CNKSR3: variants seen among roughly 807,000 people sequenced by gnomAD.
The protein encoded by CNKSR3 is CNKSR family member 3.
In CNKSR3, 36 loss-of-function variants were observed where a neutral mutation model predicts 67.7. The observed-to-expected ratio is 0.53, with a 90% CI of 0.41 to 0.70. CNKSR3 has a LOEUF of 0.70. Ranked by LOEUF, CNKSR3 falls within the 30% of genes least tolerant of loss-of-function variation. CNKSR3 has a pLI of 0.00. For synonymous variants in CNKSR3, 281 were observed against 271.4 expected, an observed-to-expected ratio of 1.04 and a Z score of -0.35; for missense variants, 630 against 695.2, an observed-to-expected ratio of 0.91 and a Z score of 1.05.
At chr6:154,477,020 C>T (rs991592702) in intron 1 of CNKSR3, among the ~76,000 whole-genome samples, 1 of 152,178 alleles carries the variant, frequency 6.6e-6, no homozygotes, top group Non-Finnish European at 1.5e-5. Flanking sequence ...TGCAGAATGT[C>T]TACTTTCTTA....
rs938686799 is a variant in CNKSR3 at position 154,405,766 on chromosome 6, C to T, written c.*588G>A. The T allele has an allele frequency of 1.3e-5, 2 of 154,496 alleles. No homozygotes were observed. The highest frequency in any genetic ancestry group is 2.9e-5 in the Non-Finnish European group (2 of 69,664). The allele number at this position is 154,496 out of a possible 1,614,324, so 9.6% of individuals were successfully genotyped here. On this transcript the variant is annotated 3_prime_UTR_variant, in exon 13 of 13. Transcript: ENST00000607772. ...CTGTACCAACTGATCTATACTGAGA[C>T]TGTCATGAAAAAGGTATCAAACAAG... is the stretch of plus-strand genomic sequence containing the variant.
chr6:154,440,762 C>T (rs933691563), intron 4 of CNKSR3, among the ~76,000 whole-genome samples: 2 of 152,030 alleles, frequency 1.3e-5, no homozygotes, highest in African/African-American at 2.4e-5. Flanking sequence ...AATGAGGAGT[C>T]GGAGGTGATT....
chr6:154,467,991 C>T (rs1786239647), intron 1 of CNKSR3, among the ~76,000 whole-genome samples: 1 of 150,832 alleles, frequency 6.6e-6, no homozygotes, highest in Admixed American at 6.6e-5. Flanking sequence ...AACTCCTGAC[C>T]TCAGGTGATT....
rs1784615344 is a variant in CNKSR3 at position 154,392,184 on chromosome 6, T to TGG, written c.*14168_*14169dup. 1 of 150,048 alleles carries TGG rather than the reference T, an allele frequency of 6.7e-6. No individual in the cohort carries two copies. Among genetic ancestry groups the TGG allele is most frequent in the African/African-American group, 2.5e-5 (1 of 40,418 alleles). 9.3% of individuals were successfully genotyped at this position (150,048 alleles called of 1,614,324 possible). A position where few individuals can be genotyped will look rare whatever the true frequency, so the allele number is the denominator to read the frequency against. Reference sequence around the variant, plus strand: ...GAGATGGAGCCACTGCACTCCAGCCTGGGCAACAGAGAGAGACTCCATCTC... The same window carrying TGG: ...GAGATGGAGCCACTGCACTCCAGCCTGGGGGCAACAGAGAGAGACTCCATCTC... On this transcript the variant is annotated 3_prime_UTR_variant, in exon 13 of 13. Transcript: ENST00000607772.
chr6:154,411,057 A>G lies in CNKSR3; in HGVS notation c.1156T>C (p.Ser386Pro). ...PGPKGSESPN[S>P]FLDQESRRRR... ...CTCCGGCTTTCCTGGTCCAAGAAGG[A>G]ATTCGGGGACTCTGAACCCTTAGGA... The change falls in exon 11 of 13, where the codon TCC (serine) becomes CCC (proline). Residue 386 changes from serine to proline, a missense_variant. By Grantham distance (74) the Ser-to-Pro change is moderately conservative. Transcript: ENST00000607772. 2 of 1,614,020 alleles carry G rather than the reference A, an allele frequency of 1.2e-6. No homozygotes were observed. The highest frequency in any genetic ancestry group is 2.2e-5 in the South Asian group (2 of 91,064).
At chr6:154,467,931 T>C (rs1041026327) in intron 1 of CNKSR3, among the ~76,000 whole-genome samples, 1 of 151,972 alleles carries the variant, frequency 6.6e-6, no homozygotes, top group Non-Finnish European at 1.5e-5. Flanking sequence ...GGCTAATTTT[T>C]GTACTTTTAG....
chr6:154,390,010 A>G lies in CNKSR3; in HGVS notation c.*16344T>C, dbSNP rs549281665. 4.6e-5 allele frequency: 7 copies of G among 152,348 alleles called. No homozygotes were observed. Among genetic ancestry groups the G allele is most frequent in the Non-Finnish European group, 1.0e-4 (7 of 68,036 alleles). 9.4% of individuals were successfully genotyped at this position (152,348 alleles called of 1,614,324 possible). A position where few individuals can be genotyped will look rare whatever the true frequency, so the allele number is the denominator to read the frequency against. On this transcript the variant is annotated 3_prime_UTR_variant, in exon 13 of 13. Coordinates refer to ENST00000607772, the MANE Select transcript of CNKSR3 (RefSeq NM_173515.4). ...TCAAGTATGCAGAGTTAAGTTAATCATAATCTTTGATTCATTATACATCAT... is the reference window on the plus strand; with the variant it reads ...TCAAGTATGCAGAGTTAAGTTAATCGTAATCTTTGATTCATTATACATCAT...
intron 7 of CNKSR3, among the ~76,000 whole-genome samples, chr6:154,424,902 G>A (rs1400225120): frequency 6.6e-6 from 1 of 152,176 alleles, no homozygotes; most frequent in Non-Finnish European, 1.5e-5. Flanking sequence ...CTCCCGGGTA[G>A]TTGGGATTAT....
intron 1 of CNKSR3, among the ~76,000 whole-genome samples, chr6:154,508,426 T>C (rs896871309): frequency 1.3e-5 from 2 of 152,228 alleles, no homozygotes; most frequent in South Asian, 2.1e-4. Context: ...CAAGTGGTAC[T>C]GGTTACTAAG....
intron 1 of CNKSR3, among the ~76,000 whole-genome samples, chr6:154,454,256 T>A (rs924556159): frequency 2.0e-5 from 3 of 152,108 alleles, no homozygotes; most frequent in African/African-American, 7.2e-5. Context: ...ACCCACTACA[T>A]AGAACTGTAA....
At chr6:154,465,188 A>C (rs1181271319) in intron 1 of CNKSR3, among the ~76,000 whole-genome samples, 2 of 151,498 alleles carry the variant, frequency 1.3e-5, no homozygotes, top group African/African-American at 2.4e-5. Context: ...TGGTGAATGA[A>C]TACAAGAGTT....
intron 12 of CNKSR3, 91 bp downstream of exon 12, chr6:154,410,252 T>TTATA: frequency 1.2e-6 from 1 of 853,386 alleles, no homozygotes; most frequent in East Asian, 2.4e-5. Context: ...AGTCTACTTA[T>TTATA]TATAACACAT....
At chr6:154,466,806 T>TA (rs1786211872) in intron 1 of CNKSR3, among the ~76,000 whole-genome samples, 1 of 151,090 alleles carries the variant, frequency 6.6e-6, no homozygotes. Context: ...TTTTTTTTTT[T>TA]ATAGAGACAG....
rs184573796 is a variant in CNKSR3, at chr6:154,505,587, T to A, written c.52+4476A>T. ...ATCTCGGCTCACTGCAGCCTCCGCC[T>A]CCCGGGTTCATGCCATTCTCCTGCC... On this transcript the variant is annotated intron_variant, in intron 1 of 12. Coordinates refer to ENST00000607772, the MANE Select transcript of CNKSR3 (RefSeq NM_173515.4). 2.8e-3 allele frequency among the ~76,000 whole-genome samples: 425 copies of A among 150,518 alleles called. 1 individual carries two copies. The highest frequency in any genetic ancestry group is 9.8e-3 in the African/African-American group (405 of 41,210).
chr6:154,487,118 C>T (rs761433645), intron 1 of CNKSR3, among the ~76,000 whole-genome samples: 9 of 152,224 alleles, frequency 5.9e-5, no homozygotes, highest in Non-Finnish European at 1.2e-4. Context: ...CATATTAACA[C>T]ACTGCATAAA....
chr6:154,463,270 C>T (rs961862107), intron 1 of CNKSR3, among the ~76,000 whole-genome samples: 1 of 151,990 alleles, frequency 6.6e-6, no homozygotes, highest in Non-Finnish European at 1.5e-5. Context: ...AGGTTTTCAC[C>T]GTGTTAGCCA....
intron 12 of CNKSR3, among the ~76,000 whole-genome samples, chr6:154,408,748 A>G (rs1238656315): frequency 1.3e-5 from 2 of 152,234 alleles, no homozygotes; most frequent in Non-Finnish European, 2.9e-5. Flanking sequence ...ACCTGACTGT[A>G]TATTTTAAAA....
At chr6:154,495,728 G>T (rs1381550419) in intron 1 of CNKSR3, among the ~76,000 whole-genome samples, 1 of 151,896 alleles carries the variant, frequency 6.6e-6, no homozygotes, top group Non-Finnish European at 1.5e-5. Context: ...ACAAAACCTG[G>T]ACTTAAAGTT....
chr6:154,506,737 G>T (rs1787112233), intron 1 of CNKSR3, among the ~76,000 whole-genome samples: 1 of 152,234 alleles, frequency 6.6e-6, no homozygotes, highest in South Asian at 2.1e-4. Flanking sequence ...CGTTGTAAAA[G>T]ATCATTTGCT....
Sources: gnomAD v4.1 joint callset for allele counts (sites outside exome capture counted in the v4.1 genomes callset) on GRCh38, gnomAD v4.1.1 for gene constraint, MANE v1.5 for transcripts, NCBI Gene and HGNC (gene_info 2026-07-23, HGNC 2026-07-21) for gene names.